RBM15B: variants seen among roughly 807,000 people sequenced by gnomAD.
The protein encoded by RBM15B is RNA binding motif protein 15B, also known as putative RNA-binding protein 15B.
In RBM15B, 11 loss-of-function variants were observed where a neutral mutation model predicts 53.3. That is an observed-to-expected ratio of 0.21 (90% CI 0.13 to 0.34). The LOEUF is 0.34. Ranked by LOEUF, RBM15B falls within the 10% of genes least tolerant of loss-of-function variation. The pLI, the probability that RBM15B is intolerant of heterozygous loss-of-function variation, is 1.00. For missense variants in RBM15B, 1,136 were observed against 1,250.3 expected, an observed-to-expected ratio of 0.91 and a Z score of 1.38; for synonymous variants, 631 against 540.7, an observed-to-expected ratio of 1.17 and a Z score of -2.32.
At position 51,392,265 on chromosome 3, in the gene RBM15B, A is replaced by G. The variant is rs1553621721; in HGVS notation, c.866A>G (p.Asp289Gly). 2 of 1,601,358 alleles carry G rather than the reference A, an allele frequency of 1.2e-6. No homozygotes were observed. The highest frequency in any genetic ancestry group is 3.4e-5 in the Admixed American group (2 of 59,352). The part of the protein sequence containing the change: ...ARHAAAAFAL[D>G]AAAAAAVGLS... The stretch of plus-strand genomic sequence containing the variant: ...CACGCCGCCGCAGCCTTCGCCCTGG[A>G]TGCCGCTGCTGCCGCCGCCGTGGGA... Residue 289 changes from aspartate to glycine, a missense_variant, in exon 1 of 1, where the codon GAT becomes GGT. By Grantham distance (94) the Asp-to-Gly change is moderately conservative. Coordinates refer to ENST00000563281, the MANE Select transcript of RBM15B (RefSeq NM_013286.5). This position sits in a 1 kb window ranked among gnomAD's most constrained non-coding sequence, Gnocchi z 7.5.
In RBM15B at chr3:51,394,103, G is replaced by T; in HGVS notation, c.*31G>T. On this transcript the variant is annotated 3_prime_UTR_variant, in exon 1 of 1. Transcript: ENST00000563281. Reference sequence around the variant, plus strand: ...GCCTGTCTTTCCCAGCGTCATGTTTGTGTCACAAAAGCAGTTATTTTAAAA... The same window carrying T: ...GCCTGTCTTTCCCAGCGTCATGTTTTTGTCACAAAAGCAGTTATTTTAAAA... 1 of 1,391,186 alleles carries T rather than the reference G, an allele frequency of 7.2e-7. No individual in the cohort carries two copies. The highest frequency in any genetic ancestry group is 2.1e-5 in the South Asian group (1 of 46,962). 86.2% of individuals were successfully genotyped at this position (1,391,186 alleles called of 1,614,324 possible). A position where few individuals can be genotyped will look rare whatever the true frequency, so the allele number is the denominator to read the frequency against.
chr3:51,393,578 G>A lies in RBM15B; in HGVS notation c.2179G>A (p.Val727Met), dbSNP rs937331691. 1.2e-6 allele frequency: 2 copies of A among 1,614,166 alleles called. No individual in the cohort carries two copies. Among genetic ancestry groups the A allele is most frequent in the Middle Eastern group, 1.6e-4 (1 of 6,062 alleles). Residue 727 changes from valine (V) to methionine (M), a missense_variant, in exon 1 of 1, where the codon GTG becomes ATG. Physicochemically the swap from Val to Met is conservative, Grantham distance 21 (BLOSUM62 1). Coordinates refer to ENST00000563281, the MANE Select transcript of RBM15B (RefSeq NM_013286.5). This position sits in a 1 kb window ranked among gnomAD's most constrained non-coding sequence, Gnocchi z 5.6. ...TLQLGWNGLL[V>M]LKNSCFPTSM... ...ACAGCTGGGTTGGAATGGGCTTCTG[G>A]TGTTGAAAAACAGCTGCTTCCCCAC...
rs146765417 is a variant in RBM15B at position 51,397,343 on chromosome 3, G to T, written c.*3271G>T. 3 of 167,080 alleles carry T rather than the reference G, an allele frequency of 1.8e-5. No individual in the cohort carries two copies. Among genetic ancestry groups the T allele is most frequent in the African/African-American group, 7.2e-5 (3 of 41,436 alleles). 10.3% of individuals were successfully genotyped at this position (167,080 alleles called of 1,614,324 possible). On this transcript the variant is annotated 3_prime_UTR_variant, in exon 1 of 1. Transcript: ENST00000563281. Reference sequence around the variant, plus strand: ...TAGGCCAATTTTAGGGGCCTCTGAAGTATCTTTCTACAAACGCAGACAAGC... The same window carrying T: ...TAGGCCAATTTTAGGGGCCTCTGAATTATCTTTCTACAAACGCAGACAAGC...
rs375293467 is a variant in RBM15B, at chr3:51,392,458, G to T, written c.1059G>T (p.Leu353=). ...NLDHSVSEVE[L]RRAFEKYGII... is the part of the protein sequence containing the mutation. ...ACCACAGCGTATCTGAGGTGGAGCT[G>T]CGAAGGGCCTTCGAGAAATATGGCA... Residue 353 remains leucine, a synonymous_variant, in exon 1 of 1, where the codon CTG becomes CTT. Transcript: ENST00000563281. The surrounding 1 kb of genome is among the most constrained non-coding windows in gnomAD (Gnocchi z 7.5). The T allele has an allele frequency of 2.7e-4, 442 of 1,614,046 alleles. 3 individuals carry two copies. In the South Asian group the frequency reaches 3.2e-3, roughly 12 times the overall value.
chr3:51,394,054 C>G lies in RBM15B; in HGVS notation c.2655C>G (p.Ile885Met), dbSNP rs201500904. 2 of 1,459,770 alleles carry G rather than the reference C, an allele frequency of 1.4e-6. No homozygotes were observed. The highest frequency in any genetic ancestry group is 1.8e-6 in the Non-Finnish European group (2 of 1,104,684). 90.4% of individuals were successfully genotyped at this position (1,459,770 alleles called of 1,614,324 possible). The stretch of plus-strand genomic sequence containing the variant: ...AAGAAGAACACATGGTGATAGTCAT[C>G]GTCAGAGACACTGCCTAGCCCAAGC... ...KLEEEHMVIV[I>M]VRDTA The change falls in exon 1 of 1, where the codon ATC becomes ATG. Residue 885 changes from isoleucine (I) to methionine (M), a missense_variant. Physicochemically the swap from Ile to Met is conservative, Grantham distance 10. This residue lies in a region of RBM15B where 578 missense variants were observed against 581.6 expected (regional missense o/e 0.99). Coordinates refer to ENST00000563281, the MANE Select transcript of RBM15B (RefSeq NM_013286.5).
In RBM15B at chr3:51,392,574, G is replaced by A. The variant is rs2089056901; in HGVS notation, c.1175G>A (p.Arg392Lys). 1 of 1,613,872 alleles carries A rather than the reference G, an allele frequency of 6.2e-7. No individual in the cohort carries two copies. Among genetic ancestry groups the A allele is most frequent in the Non-Finnish European group, 8.5e-7 (1 of 1,180,032 alleles). Residue 392 changes from arginine to lysine, a missense_variant, in exon 1 of 1, where the codon AGG becomes AAG. Arg to Lys is a conservative substitution (Grantham distance 26, BLOSUM62 2). This residue lies in a region of RBM15B where 0 missense variants were observed against 20.0 expected (regional missense o/e 0.00). Transcript: ENST00000563281. The surrounding 1 kb of genome is among the most constrained non-coding windows in gnomAD (Gnocchi z 7.5). ...LKFQNLDMAH[R>K]AKVAMSGRVI... ...TTCCAGAACCTGGACATGGCCCATA[G>A]GGCTAAGGTGGCCATGTCGGGCCGA... is the stretch of plus-strand genomic sequence containing the variant.
rs1553621701 is a variant in RBM15B, at chr3:51,392,217, C to T, written c.818C>T (p.Pro273Leu). The change falls in exon 1 of 1, where the codon CCC becomes CTC. Residue 273 changes from proline to leucine, a missense_variant. Physicochemically the swap from Pro to Leu is moderately conservative, Grantham distance 98. This residue lies in a region of RBM15B where 204 missense variants were observed against 196.8 expected (regional missense o/e 1.04). Transcript: ENST00000563281. The surrounding 1 kb of genome is among the most constrained non-coding windows in gnomAD (Gnocchi z 7.5). Reference sequence around the variant, plus strand: ...TCGCTGTCCCCCGTCGCTGCCCCGCCCCTGCGGGAGCCCCGTGCCCGTCAC... The same window carrying T: ...TCGCTGTCCCCCGTCGCTGCCCCGCTCCTGCGGGAGCCCCGTGCCCGTCAC... ...QRSLSPVAAPPLREPRARHAA... is the reference protein window; with the variant it reads ...QRSLSPVAAPLLREPRARHAA... 1.3e-6 allele frequency: 2 copies of T among 1,555,354 alleles called. No individual in the cohort carries two copies. The highest frequency in any genetic ancestry group is 1.7e-6 in the Non-Finnish European group (2 of 1,155,110).
In RBM15B at chr3:51,392,076, G is replaced by A. The variant is rs2089047143; in HGVS notation, c.677G>A (p.Ser226Asn). 1.9e-6 allele frequency: 3 copies of A among 1,566,848 alleles called. No homozygotes were observed. Among genetic ancestry groups the A allele is most frequent in the Non-Finnish European group, 2.6e-6 (3 of 1,164,998 alleles). The change falls in exon 1 of 1, where the codon AGT (serine) becomes AAT (asparagine). Residue 226 changes from serine to asparagine, a missense_variant. Coordinates refer to ENST00000563281, the MANE Select transcript of RBM15B (RefSeq NM_013286.5). The surrounding 1 kb of genome is among the most constrained non-coding windows in gnomAD (Gnocchi z 7.5). ...PVYLRGGGGSSRRSSSSSAAA... is the reference protein window; with the variant it reads ...PVYLRGGGGSNRRSSSSSAAA... The stretch of plus-strand genomic sequence containing the variant: ...TACCTGCGTGGCGGCGGCGGGAGCA[G>A]TCGGCGAAGTAGCAGCAGCAGCGCC...
In RBM15B at chr3:51,392,227, G is replaced by T; in HGVS notation, c.828G>T (p.Glu276Asp). The T allele has an allele frequency of 1.3e-6, 2 of 1,562,506 alleles. No homozygotes were observed. Among genetic ancestry groups the T allele is most frequent in the Non-Finnish European group, 1.7e-6 (2 of 1,158,786 alleles). The change falls in exon 1 of 1, where the codon GAG becomes GAT. Residue 276 changes from glutamate to aspartate, a missense_variant. Physicochemically the swap from Glu to Asp is conservative, Grantham distance 45. Around this residue, in one of 7 missense-constraint regions of RBM15B, gnomAD observed 204 missense variants for 196.8 expected, o/e 1.04. Transcript: ENST00000563281. The surrounding 1 kb of genome is among the most constrained non-coding windows in gnomAD (Gnocchi z 7.5). ...LSPVAAPPLREPRARHAAAAF... is the reference protein window; with the variant it reads ...LSPVAAPPLRDPRARHAAAAF... The stretch of plus-strand genomic sequence containing the variant: ...CCGTCGCTGCCCCGCCCCTGCGGGA[G>T]CCCCGTGCCCGTCACGCCGCCGCAG...
rs1443515451 is a variant in RBM15B, at chr3:51,395,852, A to G, written c.*1780A>G. On this transcript the variant is annotated 3_prime_UTR_variant, in exon 1 of 1. Transcript: ENST00000563281. ...CAAGAGAGCAAGCACGTTCATAACA[A>G]AACAGCAACACAAAGACATGTTAAG... 3 of 413,414 alleles carry G rather than the reference A, an allele frequency of 7.3e-6. No individual in the cohort carries two copies. Among genetic ancestry groups the G allele is most frequent in the African/African-American group, 2.1e-5 (1 of 48,642 alleles). 25.6% of individuals were successfully genotyped at this position (413,414 alleles called of 1,614,324 possible).
chr3:51,391,926 C>T lies in RBM15B; in HGVS notation c.527C>T (p.Thr176Met), dbSNP rs1553621618. 1 of 1,603,246 alleles carries T rather than the reference C, an allele frequency of 6.2e-7. No homozygotes were observed. Among genetic ancestry groups the T allele is most frequent in the East Asian group, 2.2e-5 (1 of 44,780 alleles). The change falls in exon 1 of 1, where the codon ACG becomes ATG. Residue 176 changes from threonine to methionine, a missense_variant. Physicochemically the swap from Thr to Met is moderately conservative, Grantham distance 81 (BLOSUM62 -1). This residue lies in a region of RBM15B where 12 missense variants were observed against 35.8 expected (regional missense o/e 0.34). Transcript: ENST00000563281. This position sits in a 1 kb window ranked among gnomAD's most constrained non-coding sequence, Gnocchi z 4.5. ...GAGATCAGCCTCCGCCTGTCGCACA[C>T]GCCTGAGCTGGGCCGTGTGGCCTAC... Reference protein sequence around the residue: ...FGEISLRLSHTPELGRVAYVN... With the variant: ...FGEISLRLSHMPELGRVAYVN...
chr3:51,395,001 T>G lies in RBM15B; in HGVS notation c.*929T>G, dbSNP rs1308122660. On this transcript the variant is annotated 3_prime_UTR_variant, in exon 1 of 1. Coordinates refer to ENST00000563281, the MANE Select transcript of RBM15B (RefSeq NM_013286.5). The stretch of plus-strand genomic sequence containing the variant: ...TGGAATGGAGGGTTGGAGGCAGCCT[T>G]CCTTGGATTTACTCATGAACTTTGC... 1.2e-5 allele frequency: 2 copies of G among 167,220 alleles called. No individual in the cohort carries two copies. The highest frequency in any genetic ancestry group is 6.5e-5 in the Admixed American group (1 of 15,286). The allele number at this position is 167,220 out of a possible 1,614,324, so 10.4% of individuals were successfully genotyped here.
Position 51,391,442 on chromosome 3 carries a change from G to A in RBM15B, c.43G>A (p.Gly15Ser). The A allele has an allele frequency of 3.9e-6, 5 of 1,270,240 alleles. No individual in the cohort carries two copies. The highest frequency in any genetic ancestry group is 5.0e-6 in the Non-Finnish European group (5 of 1,005,076). The allele number at this position is 1,270,240 out of a possible 1,614,324, so 78.7% of individuals were successfully genotyped here. ...GCGAGACTCTAGCCCGAGCGGGCGC[G>A]GCTCGTCATCGTCCGCCAAGCGTCC... ...SERDSSPSGR[G>S]SSSSAKRPRE... Residue 15 changes from glycine (G) to serine (S), a missense_variant, in exon 1 of 1, where the codon GGC (glycine) becomes AGC (serine). Transcript: ENST00000563281. This position sits in a 1 kb window ranked among gnomAD's most constrained non-coding sequence, Gnocchi z 4.5.
rs747739201 is a variant in RBM15B at position 51,397,244 on chromosome 3, A to AAAAC, written c.*3174_*3177dup. ...TGGTCTTCTATTTATTGTGGGAAGG[A>AAAAC]AAACAGGGTGGGGCGGGTGAGTGAA... is the stretch of plus-strand genomic sequence containing the variant. On this transcript the variant is annotated 3_prime_UTR_variant, in exon 1 of 1. Coordinates refer to ENST00000563281, the MANE Select transcript of RBM15B (RefSeq NM_013286.5). 7.2e-4 allele frequency: 120 copies of AAAAC among 167,268 alleles called. No individual in the cohort carries two copies. Among genetic ancestry groups the AAAAC allele is most frequent in the South Asian group, 1.4e-3 (7 of 4,832 alleles). 10.4% of individuals were successfully genotyped at this position (167,268 alleles called of 1,614,324 possible). A position where few individuals can be genotyped will look rare whatever the true frequency, so the allele number is the denominator to read the frequency against.
Position 51,392,951 on chromosome 3 carries a change from AC to A in RBM15B, c.1555del (p.Arg519GlyfsTer190). 1 of 1,613,648 alleles carries A rather than the reference AC, an allele frequency of 6.2e-7. No homozygotes were observed. Among genetic ancestry groups the A allele is most frequent in the Non-Finnish European group, 8.5e-7 (1 of 1,180,004 alleles). On this transcript the variant is annotated frameshift_variant, in exon 1 of 1. Transcript: ENST00000563281. LOFTEE classifies it high-confidence loss of function. This position sits in a 1 kb window ranked among gnomAD's most constrained non-coding sequence, Gnocchi z 7.5. ...TTATGAGCTGCTCACAGATGGATAC[AC>A]CCGGCACCGCAACCTGGACGCCGAC... is the stretch of plus-strand genomic sequence containing the variant. ...VHYELLTDGY[T>X]RHRNLDADLV...
Position 51,392,310 on chromosome 3 carries a change from T to A in RBM15B, c.911T>A (p.Leu304Gln), listed in dbSNP as rs781914569. The A allele has an allele frequency of 5.6e-6, 9 of 1,611,350 alleles. No individual in the cohort carries two copies. The highest frequency in any genetic ancestry group is 6.8e-6 in the Non-Finnish European group (8 of 1,179,320). Reference sequence around the variant, plus strand: ...GTGGGACTGTCCCGGGAGCGGGCCCTGGACTACTACGGGCTGTACGACGAC... The same window carrying A: ...GTGGGACTGTCCCGGGAGCGGGCCCAGGACTACTACGGGCTGTACGACGAC... ...AAVGLSRERALDYYGLYDDRG... is the reference protein window; with the variant it reads ...AAVGLSRERAQDYYGLYDDRG... The change falls in exon 1 of 1, where the codon CTG (leucine) becomes CAG (glutamine). Residue 304 changes from leucine to glutamine, a missense_variant. Around this residue, in one of 7 missense-constraint regions of RBM15B, gnomAD observed 204 missense variants for 196.8 expected, o/e 1.04. Transcript: ENST00000563281. This position sits in a 1 kb window ranked among gnomAD's most constrained non-coding sequence, Gnocchi z 7.5.
chr3:51,393,299 C>G lies in RBM15B; in HGVS notation c.1900C>G (p.Arg634Gly). 6.2e-7 allele frequency: 1 copy of G among 1,609,858 alleles called. No individual in the cohort carries two copies. Among genetic ancestry groups the G allele is most frequent in the South Asian group, 1.1e-5 (1 of 90,834 alleles). ...GCGGGGCTCCGACCGCACCCCTGAG[C>G]GCAGCCGCAAGGAGAACCACTCCAG... is the stretch of plus-strand genomic sequence containing the variant. ...SERGSDRTPE[R>G]SRKENHSSEG... The change falls in exon 1 of 1, where the codon CGC becomes GGC. Residue 634 changes from arginine (R) to glycine (G), a missense_variant. Transcript: ENST00000563281. The surrounding 1 kb of genome is among the most constrained non-coding windows in gnomAD (Gnocchi z 5.6).
In RBM15B at chr3:51,393,614, A is replaced by G; in HGVS notation, c.2215A>G (p.Ile739Val). Residue 739 changes from isoleucine (I) to valine (V), a missense_variant, in exon 1 of 1, where the codon ATC becomes GTC. Physicochemically the swap from Ile to Val is conservative, Grantham distance 29. Coordinates refer to ENST00000563281, the MANE Select transcript of RBM15B (RefSeq NM_013286.5). The surrounding 1 kb of genome is among the most constrained non-coding windows in gnomAD (Gnocchi z 5.6). ...CAGCTGCTTCCCCACGTCTATGCAT[A>G]TCCTAGAGGGGGACCAGGGGGTGAT... ...KNSCFPTSMH[I>V]LEGDQGVISS... is the part of the protein sequence containing the mutation. The G allele has an allele frequency of 1.2e-6, 2 of 1,613,930 alleles. No individual in the cohort carries two copies. The highest frequency in any genetic ancestry group is 8.5e-7 in the Non-Finnish European group (1 of 1,179,960).
Position 51,393,734 on chromosome 3 carries a change from G to C in RBM15B, c.2335G>C (p.Val779Leu), listed in dbSNP as rs1553622054. 6.2e-7 allele frequency: 1 copy of C among 1,613,732 alleles called. No individual in the cohort carries two copies. Among genetic ancestry groups the C allele is most frequent in the Non-Finnish European group, 8.5e-7 (1 of 1,180,010 alleles). Residue 779 changes from valine to leucine, a missense_variant, in exon 1 of 1, where the codon GTC becomes CTC. This residue lies in a region of RBM15B where 578 missense variants were observed against 581.6 expected (regional missense o/e 0.99). Coordinates refer to ENST00000563281, the MANE Select transcript of RBM15B (RefSeq NM_013286.5). This position sits in a 1 kb window ranked among gnomAD's most constrained non-coding sequence, Gnocchi z 5.6. Reference protein sequence around the residue: ...LRLDQPKLDEVTRRIKQGSPN... With the variant: ...LRLDQPKLDELTRRIKQGSPN... ...ACTGGACCAGCCCAAGCTTGACGAG[G>C]TCACACGACGCATCAAGCAGGGGAG... is the stretch of plus-strand genomic sequence containing the variant.
Sources: gnomAD v4.1 joint callset for allele counts on GRCh38, gnomAD v4.1.1 for gene constraint, gnomAD v4.1.1 regional missense constraint, Gnocchi (gnomAD v3.1) non-coding constraint, MANE v1.5 for transcripts, NCBI Gene and HGNC (gene_info 2026-07-23, HGNC 2026-07-21) for gene names.